UBAP2L: variants seen among roughly 807,000 people sequenced by gnomAD.
The protein encoded by UBAP2L is ubiquitin-associated protein 2-like.
Under a neutral mutation model 130.6 loss-of-function variants are expected in UBAP2L, and 12 were observed. That is an observed-to-expected ratio of 0.09 (90% CI 0.06 to 0.15). The LOEUF is 0.15. Ranked by LOEUF, UBAP2L falls within the 10% of genes least tolerant of loss-of-function variation. UBAP2L has a pLI of 1.00. For synonymous variants in UBAP2L, 503 were observed against 524.7 expected, an observed-to-expected ratio of 0.96 and a Z score of 0.57; for missense variants, 965 against 1,332.5, an observed-to-expected ratio of 0.72 and a Z score of 4.29.
At chr1:154,268,735 C>T (rs757644691) in intron 25 of UBAP2L, 22 bp from the exon 26 acceptor site, 1 of 1,613,130 alleles carries the variant, frequency 6.2e-7, no homozygotes, top group African/African-American at 1.3e-5. Context: ...TTTACTCTGT[C>T]TCCTCCTGGC....
At chr1:154,262,685 C>T (rs907002533) in intron 24 of UBAP2L, among the ~76,000 whole-genome samples, 2 of 152,098 alleles carry the variant, frequency 1.3e-5, no homozygotes, top group Non-Finnish European at 2.9e-5. Flanking sequence ...AACTGATAGC[C>T]AAGTGGAGCT....
At chr1:154,242,896 T>C (rs570374484) in intron 9 of UBAP2L, 1 of 163,568 alleles carries the variant, frequency 6.1e-6, no homozygotes, top group Admixed American at 6.4e-5. Context: ...AGTTGGGAAC[T>C]GTAATGGGAA....
chr1:154,243,204 C>T lies in UBAP2L; in HGVS notation c.757-13C>T. On this transcript the variant is annotated splice_polypyrimidine_tract_variant and intron_variant, in intron 9 of 26. Transcript: ENST00000428931. ...CCCTGACACCAAGAGTGACTAATCC[C>T]TCTGTTTTCCAGCTTTCTGAGACCA... 1 of 1,609,534 alleles carries T rather than the reference C, an allele frequency of 6.2e-7. No individual in the cohort carries two copies. Among genetic ancestry groups the T allele is most frequent in the Non-Finnish European group, 8.5e-7 (1 of 1,176,572 alleles).
chr1:154,225,233 C>G lies in UBAP2L; in HGVS notation c.90+20C>G, dbSNP rs780345122. The G allele has an allele frequency of 5.6e-6, 9 of 1,611,350 alleles. No individual in the cohort carries two copies. The highest frequency in any genetic ancestry group is 7.6e-6 in the Non-Finnish European group (9 of 1,178,052). ...CCACAGGTAAATAATCCAAGGCATACGGATTCATGGATAGCGTTGCCTGCT... is the reference window on the plus strand; with the variant it reads ...CCACAGGTAAATAATCCAAGGCATAGGGATTCATGGATAGCGTTGCCTGCT... On this transcript the variant is annotated intron_variant, in intron 2 of 26. Coordinates refer to ENST00000428931, the MANE Select transcript of UBAP2L (RefSeq NM_014847.4).
At chr1:154,220,349 C>T, upstream of UBAP2L, 1 of 1,614,206 alleles carries the variant, frequency 6.2e-7, no homozygotes, top group Non-Finnish European at 8.5e-7. Flanking sequence ...CACCAGGCTC[C>T]CGTAGGCCAT....
At chr1:154,231,827 G>A (rs367587558) in intron 4 of UBAP2L, among the ~76,000 whole-genome samples, 128 of 152,298 alleles carry the variant, frequency 8.4e-4, no homozygotes, top group African/African-American at 2.9e-3. Flanking sequence ...TTATCTGGAA[G>A]TTGTAGACAT....
At chr1:154,259,647 A>C in intron 21 of UBAP2L, 1 of 434,350 alleles carries the variant, frequency 2.3e-6, no homozygotes, top group South Asian at 2.4e-5. Flanking sequence ...TCAGTAGAAT[A>C]AGCTTGGTAT....
At chr1:154,227,588 C>G (rs1668394847) in intron 3 of UBAP2L, among the ~76,000 whole-genome samples, 1 of 151,426 alleles carries the variant, frequency 6.6e-6, no homozygotes, top group African/African-American at 2.4e-5. Context: ...ACTCTGTCAC[C>G]CAGGCTGGAG....
At chr1:154,235,418 T>C (rs1043579646) in intron 6 of UBAP2L, 127 bp downstream of exon 6, 4 of 583,618 alleles carry the variant, frequency 6.9e-6, no homozygotes, top group Non-Finnish European at 1.2e-5. Context: ...AGTGGCACAG[T>C]CATAGCTCAC....
intron 20 of UBAP2L, chr1:154,257,913 C>G (rs1376373614): frequency 1.3e-5 from 2 of 154,456 alleles, no homozygotes; most frequent in African/African-American, 4.8e-5. Context: ...GCCTCAGAAG[C>G]CAAAGGCCAG....
chr1:154,240,813 T>C (rs1305581687), intron 8 of UBAP2L, among the ~76,000 whole-genome samples: 1 of 151,536 alleles, frequency 6.6e-6, no homozygotes, highest in Non-Finnish European at 1.5e-5. Flanking sequence ...TTATACTAGA[T>C]AAATAGGTGT....
chr1:154,263,008 G>C (rs541841085), intron 24 of UBAP2L: 1 of 1,207,676 alleles, frequency 8.3e-7, no homozygotes, highest in African/African-American at 1.6e-5. Context: ...ATTCAGAAAC[G>C]TATTATATCA....
intron 4 of UBAP2L, among the ~76,000 whole-genome samples, chr1:154,230,514 G>T (rs1053300657): frequency 2.0e-4 from 30 of 152,156 alleles, no homozygotes; most frequent in African/African-American, 7.2e-4. Context: ...GGCCAATCAA[G>T]ATATGCTTTT....
chr1:154,256,623 G>C (rs1367146737), intron 18 of UBAP2L, among the ~76,000 whole-genome samples: 1 of 152,140 alleles, frequency 6.6e-6, no homozygotes, highest in Non-Finnish European at 1.5e-5. Context: ...TGGGCAACAG[G>C]ATGGGACCCT....
Position 154,266,341 on chromosome 1 carries a change from C to T in UBAP2L, c.2903-160C>T, listed in dbSNP as rs561448392. On this transcript the variant is annotated intron_variant, in intron 24 of 26. Coordinates refer to ENST00000428931, the MANE Select transcript of UBAP2L (RefSeq NM_014847.4). ...AAGAACCCTTAGGGAGCTTTTGTTT[C>T]ATGAACTCTTACCTCTCAGGACTAA... The T allele has an allele frequency of 1.0e-4, 76 of 725,406 alleles. No homozygotes were observed. In the South Asian group the frequency reaches 1.2e-3, roughly 11 times the overall value. 44.9% of individuals were successfully genotyped at this position (725,406 alleles called of 1,614,324 possible). A position where few individuals can be genotyped will look rare whatever the true frequency, so the allele number is the denominator to read the frequency against.
chr1:154,262,308 T>C (rs1219915801), intron 24 of UBAP2L, among the ~76,000 whole-genome samples: 1 of 152,188 alleles, frequency 6.6e-6, no homozygotes, highest in Non-Finnish European at 1.5e-5. Context: ...TTTGCATATG[T>C]GATGGCAGGG....
intron 4 of UBAP2L, among the ~76,000 whole-genome samples, chr1:154,230,431 T>C (rs1299441269): frequency 6.6e-6 from 1 of 152,182 alleles, no homozygotes. Flanking sequence ...TTTAAATTGG[T>C]GGGTTTTTTC....
At chr1:154,259,392 C>T (rs1325950776) in intron 21 of UBAP2L, among the ~76,000 whole-genome samples, 1 of 151,822 alleles carries the variant, frequency 6.6e-6, no homozygotes, top group Non-Finnish European at 1.5e-5. Flanking sequence ...CGGGGTTTCA[C>T]CATCTTGGCC....
chr1:154,246,323 A>C lies in UBAP2L; in HGVS notation c.962A>C (p.Gln321Pro), dbSNP rs1203830758. 2 of 1,613,550 alleles carry C rather than the reference A, an allele frequency of 1.2e-6. No homozygotes were observed. The highest frequency in any genetic ancestry group is 8.5e-7 in the Non-Finnish European group (1 of 1,179,856). Residue 321 changes from glutamine (Q) to proline (P), a missense_variant, in exon 11 of 27, where the codon CAG becomes CCG. Transcript: ENST00000428931. ...CCTCTGGTGTTCAGTAATTCGAAGC[A>C]GACTGCCATATCACAGCCTGCTTCA... is the stretch of plus-strand genomic sequence containing the variant. ...AQPLVFSNSK[Q>P]TAISQPASGN...
Sources: allele counts gnomAD v4.1 joint callset (sites outside exome capture counted in the v4.1 genomes callset), GRCh38; gene constraint gnomAD v4.1.1; transcripts MANE v1.5; gene names NCBI Gene and HGNC (gene_info 2026-07-23, HGNC 2026-07-21).